ZBTB20: variants seen among roughly 807,000 people sequenced by gnomAD.
ZBTB20 encodes zinc finger and BTB domain containing 20.
ZBTB20 carries 9 observed loss-of-function variants against 56.9 expected under a neutral mutation model. That is an observed-to-expected ratio of 0.16 (90% confidence interval 0.10 to 0.28). ZBTB20 has a LOEUF of 0.28. ZBTB20 is among the 10% of genes least tolerant of loss of function. ZBTB20 has a pLI of 1.00. For missense variants in ZBTB20, 655 were observed against 1,003.0 expected (o/e 0.65, Z 4.69); for synonymous variants, 417 against 420.7 (o/e 0.99, Z 0.11).
chr3:114,485,946 A>G (rs2042073893), intron 7 of ZBTB20, among the ~76,000 whole-genome samples: 1 of 152,106 alleles, frequency 6.6e-6, no homozygotes, highest in Non-Finnish European at 1.5e-5. Flanking sequence ...AAATGGACTA[A>G]CACATTAGGT....
chr3:115,014,255 G>T (rs1169013818), intron 2 of ZBTB20, among the ~76,000 whole-genome samples: 2 of 151,660 alleles, frequency 1.3e-5, no homozygotes, highest in Non-Finnish European at 3.0e-5. Flanking sequence ...GCTATCAGAG[G>T]TTGGGAAAGA....
At chr3:114,842,533 G>A (rs930939310) in intron 4 of ZBTB20, among the ~76,000 whole-genome samples, 22 of 152,132 alleles carry the variant, frequency 1.4e-4, no homozygotes. Flanking sequence ...GTAGTAAAAT[G>A]GCAGACATAA....
chr3:114,764,452 A>G (rs1044331657), intron 5 of ZBTB20, among the ~76,000 whole-genome samples: 3 of 152,192 alleles, frequency 2.0e-5, no homozygotes, highest in Non-Finnish European at 4.4e-5. Context: ...TTGATAGGTT[A>G]GCAGCTTGGG....
At chr3:114,770,895 G>A (rs2069148115) in intron 5 of ZBTB20, among the ~76,000 whole-genome samples, 1 of 152,110 alleles carries the variant, frequency 6.6e-6, no homozygotes, top group Non-Finnish European at 1.5e-5. Context: ...ATACTACAAT[G>A]AGCATTTCCT....
chr3:114,590,949 A>G (rs560123637), intron 6 of ZBTB20, among the ~76,000 whole-genome samples: 43 of 152,334 alleles, frequency 2.8e-4, no homozygotes, highest in African/African-American at 9.9e-4. Context: ...CTATCTCATT[A>G]TCAAACCTTA....
chr3:114,753,882 G>A (rs374780940), intron 5 of ZBTB20, among the ~76,000 whole-genome samples: 32 of 152,002 alleles, frequency 2.1e-4, no homozygotes, highest in Middle Eastern at 6.8e-3. Context: ...AATATATGTC[G>A]AAAAGAAGGA....
At chr3:114,985,628 C>T (rs1333359829) in intron 2 of ZBTB20, among the ~76,000 whole-genome samples, 1 of 152,000 alleles carries the variant, frequency 6.6e-6, no homozygotes. Context: ...GACACATACC[C>T]AATTTGGGAC....
At chr3:115,096,489 A>T (rs1221157687) in intron 1 of ZBTB20, among the ~76,000 whole-genome samples, 2 of 152,226 alleles carry the variant, frequency 1.3e-5, no homozygotes, top group Non-Finnish European at 2.9e-5. Context: ...AAGATAAACC[A>T]GCTTTAATGT....
At chr3:115,029,557 C>A (rs1338966726) in intron 2 of ZBTB20, among the ~76,000 whole-genome samples, 1 of 150,556 alleles carries the variant, frequency 6.6e-6, no homozygotes, top group Admixed American at 6.6e-5. Flanking sequence ...GGCTGGAAAT[C>A]AAATAGAAAG....
At chr3:114,349,806 C>T (rs757989583) in intron 11 of ZBTB20, among the ~76,000 whole-genome samples, 7 of 152,246 alleles carry the variant, frequency 4.6e-5, no homozygotes, top group South Asian at 2.1e-4. Flanking sequence ...ATAAGGAAGG[C>T]GTATCACGAT....
At chr3:114,592,699 A>T (rs1469333812) in intron 6 of ZBTB20, among the ~76,000 whole-genome samples, 1 of 152,228 alleles carries the variant, frequency 6.6e-6, no homozygotes, top group Non-Finnish European at 1.5e-5. Context: ...GTTTTTAATA[A>T]GTGGCTTATC....
chr3:114,730,995 A>G (rs976468857), intron 5 of ZBTB20, among the ~76,000 whole-genome samples: 12 of 152,038 alleles, frequency 7.9e-5, no homozygotes, highest in African/African-American at 2.9e-4. Flanking sequence ...TTACCCTCCT[A>G]TTTTTTACCT....
chr3:114,912,716 C>T (rs1047899346), intron 3 of ZBTB20, among the ~76,000 whole-genome samples: 1 of 151,848 alleles, frequency 6.6e-6, no homozygotes, highest in African/African-American at 2.4e-5. Flanking sequence ...TTCTAGCTAT[C>T]GTTTTGTACT....
chr3:114,766,808 C>G (rs1345985273), intron 5 of ZBTB20, among the ~76,000 whole-genome samples: 1 of 152,008 alleles, frequency 6.6e-6, no homozygotes, highest in South Asian at 2.1e-4. Flanking sequence ...TCAAACCCTA[C>G]AAGAAAACTG....
At chr3:114,808,771 G>T (rs900344502) in intron 4 of ZBTB20, among the ~76,000 whole-genome samples, 1 of 151,824 alleles carries the variant, frequency 6.6e-6, no homozygotes, top group South Asian at 2.1e-4. Flanking sequence ...AAATAATGAC[G>T]TGATGAGGTC....
intron 2 of ZBTB20, among the ~76,000 whole-genome samples, chr3:115,046,736 CTCCCTCTCCTTGCTATGGGCAAG>C (rs1474411905): frequency 6.6e-6 from 1 of 152,220 alleles, no homozygotes; most frequent in African/African-American, 2.4e-5. Flanking sequence ...ATGTAAAAAC[CTCCCTCTCCTTGCTATGGGCAAG>C]TCTGGTTCTC....
chr3:114,651,720 G>A (rs2060143830), intron 6 of ZBTB20, among the ~76,000 whole-genome samples: 1 of 152,032 alleles, frequency 6.6e-6, no homozygotes, highest in South Asian at 2.1e-4. Flanking sequence ...TTAGAAAGCA[G>A]TATCATTCAC....
At chr3:114,754,109 A>C (rs545210271) in intron 5 of ZBTB20, among the ~76,000 whole-genome samples, 186 of 152,282 alleles carry the variant, frequency 1.2e-3, no homozygotes, top group Non-Finnish European at 2.1e-3. Context: ...CTTGTGGAGC[A>C]AAGAGTGCCA....
chr3:114,804,336 C>T (rs904797686), intron 4 of ZBTB20, among the ~76,000 whole-genome samples: 2 of 152,048 alleles, frequency 1.3e-5, no homozygotes, highest in South Asian at 4.1e-4. Flanking sequence ...AATCCTCACA[C>T]AGAAGGAGTT....
Sources: allele counts gnomAD v4.1 joint callset (sites outside exome capture counted in the v4.1 genomes callset), GRCh38; gene constraint gnomAD v4.1.1; transcripts MANE v1.5; gene names NCBI Gene and HGNC (gene_info 2026-07-23, HGNC 2026-07-21).